UBAP1: variants seen among roughly 807,000 people sequenced by gnomAD.
UBAP1 encodes the protein ubiquitin associated protein 1, also known as ubiquitin-associated protein 1.
A neutral mutation model predicts 39.0 loss-of-function variants in UBAP1; 5 were observed. The observed-to-expected ratio is 0.13, with a 90% CI of 0.07 to 0.27. The LOEUF is 0.27. Ranked by LOEUF, UBAP1 falls within the 10% of genes least tolerant of loss-of-function variation. UBAP1 has a pLI of 1.00. For synonymous variants in UBAP1, 211 were observed against 225.1 expected (o/e 0.94, Z 0.56); for missense variants, 490 against 608.1 (o/e 0.81, Z 2.04).
chr9:34,201,584 T>A (rs1432500112), intron 1 of UBAP1: 3 of 152,100 alleles, frequency 2.0e-5, no homozygotes, highest in South Asian at 2.1e-4. Context: ...TGTAGATTAA[T>A]CCTGCTTTGT....
chr9:34,239,394 C>A (rs1035389286), intron 3 of UBAP1, among the ~76,000 whole-genome samples: 14 of 152,202 alleles, frequency 9.2e-5, no homozygotes, highest in African/African-American at 3.4e-4. Context: ...TATCTGGTCC[C>A]CTCCGTACCC....
chr9:34,215,654 C>T (rs1005966035), intron 1 of UBAP1, among the ~76,000 whole-genome samples: 88 of 151,888 alleles, frequency 5.8e-4, no homozygotes, highest in African/African-American at 2.1e-3. Flanking sequence ...AACTGAATAC[C>T]ACCTGTACCC....
intron 4 of UBAP1, among the ~76,000 whole-genome samples, 154 bp downstream of exon 4, chr9:34,242,262 G>A (rs975267437): frequency 1.3e-5 from 2 of 151,048 alleles, no homozygotes; most frequent in Non-Finnish European, 3.0e-5. Context: ...TTGTAGCCTC[G>A]ACCTCCCGGG....
rs1227081826 is a variant in UBAP1 at position 34,249,960 on chromosome 9, A to G, written c.1265A>G (p.Gln422Arg). 15 of 1,613,818 alleles carry G rather than the reference A, an allele frequency of 9.3e-6. No individual in the cohort carries two copies. The highest frequency in any genetic ancestry group is 1.1e-5 in the South Asian group (1 of 91,066). The change falls in exon 5 of 7, where the codon CAG (glutamine) becomes CGG (arginine). Residue 422 changes from glutamine (Q) to arginine (R), a missense_variant and splice_region_variant. Physicochemically the swap from Gln to Arg is conservative, Grantham distance 43. Transcript: ENST00000297661. Reference sequence around the variant, plus strand: ...AAGAAGAAAGGAGAGAATATTGAGCAGGTGAGCGGTTGGTCAGCCAGGAGG... The same window carrying G: ...AAGAAGAAAGGAGAGAATATTGAGCGGGTGAGCGGTTGGTCAGCCAGGAGG... ...AMKKKGENIE[Q>R]ILDYLFAHGQ...
chr9:34,251,518 G>GC lies in UBAP1; in HGVS notation c.1496dup (p.Gly500ArgfsTer10), dbSNP rs767336776. ...TGCTTTGGAAGACCTCATGGCTCGG[G>GC]CAGGAGCCAGCTGAGACCAGGCCCT... is the stretch of plus-strand genomic sequence containing the variant. On this transcript the variant is annotated frameshift_variant, in exon 7 of 7. Coordinates refer to ENST00000297661, the MANE Select transcript of UBAP1 (RefSeq NM_016525.5). LOFTEE classifies it high-confidence loss of function. 1 of 1,614,002 alleles carries GC rather than the reference G, an allele frequency of 6.2e-7. No individual in the cohort carries two copies. Among genetic ancestry groups the GC allele is most frequent in the Admixed American group, 1.7e-5 (1 of 60,014 alleles).
chr9:34,241,938 T>G lies in UBAP1; in HGVS notation c.913T>G (p.Ser305Ala), dbSNP rs1833978083. 1 of 1,614,014 alleles carries G rather than the reference T, an allele frequency of 6.2e-7. No individual in the cohort carries two copies. Among genetic ancestry groups the G allele is most frequent in the African/African-American group, 1.3e-5 (1 of 74,906 alleles). The change falls in exon 4 of 7, where the codon TCC becomes GCC. Residue 305 changes from serine (S) to alanine (A), a missense_variant. This residue lies in a region of UBAP1 where 339 missense variants were observed against 390.0 expected (regional missense o/e 0.87). Coordinates refer to ENST00000297661, the MANE Select transcript of UBAP1 (RefSeq NM_016525.5). ...CACGTTCCAGAATTCCCTAAAGCCT[T>G]CCACCCAAAGCAGTGCCAGTGAGCT... The part of the protein sequence containing the change: ...NGTFQNSLKP[S>A]TQSSASELNG...
In UBAP1 at chr9:34,251,513, C is replaced by T; in HGVS notation, c.1490C>T (p.Ala497Val). The change falls in exon 7 of 7, where the codon GCT becomes GTT. Residue 497 changes from alanine (A) to valine (V), a missense_variant. By Grantham distance (64) the Ala-to-Val change is moderately conservative. Transcript: ENST00000297661. ...DQDNALEDLM[A>V]RAGAS ...GACAATGCTTTGGAAGACCTCATGGCTCGGGCAGGAGCCAGCTGAGACCAG... is the reference window on the plus strand; with the variant it reads ...GACAATGCTTTGGAAGACCTCATGGTTCGGGCAGGAGCCAGCTGAGACCAG... 3 of 1,614,110 alleles carry T rather than the reference C, an allele frequency of 1.9e-6. No homozygotes were observed. Among genetic ancestry groups the T allele is most frequent in the Non-Finnish European group, 2.5e-6 (3 of 1,180,002 alleles).
At chr9:34,195,421 C>T (rs556070575) in intron 1 of UBAP1, among the ~76,000 whole-genome samples, 1 of 152,078 alleles carries the variant, frequency 6.6e-6, no homozygotes, top group African/African-American at 2.4e-5. Flanking sequence ...GAAAAGATTA[C>T]CCTTTCTAAA....
intron 2 of UBAP1, chr9:34,224,417 A>C: frequency 4.9e-6 from 2 of 407,610 alleles, no homozygotes; most frequent in East Asian, 8.7e-5. Flanking sequence ...TTGCAAATAC[A>C]ACGCTGAGCC....
intron 1 of UBAP1, among the ~76,000 whole-genome samples, chr9:34,204,258 G>C (rs1831559724): frequency 6.6e-6 from 1 of 152,184 alleles, no homozygotes; most frequent in Admixed American, 6.6e-5. Context: ...CTGCACTCCA[G>C]AGTGCAGACG....
intron 4 of UBAP1, among the ~76,000 whole-genome samples, chr9:34,244,137 G>A (rs547974358): frequency 8.9e-4 from 135 of 152,218 alleles, no homozygotes; most frequent in African/African-American, 3.0e-3. Context: ...GTGAGTCACC[G>A]CACACAGCCA....
At position 34,249,813 on chromosome 9, in the gene UBAP1, C is replaced by T. The variant is rs764378084; in HGVS notation, c.1118C>T (p.Pro373Leu). ...CCTAATTTCTCAGTGTCACAAGTGC[C>T]CAACATGCCCAGCTGTCCCCAGGCC... ...TPPNFSVSQV[P>L]NMPSCPQAYS... is the part of the protein sequence containing the mutation. Residue 373 changes from proline (P) to leucine (L), a missense_variant, in exon 5 of 7, where the codon CCC becomes CTC. By Grantham distance (98) the Pro-to-Leu change is moderately conservative (BLOSUM62 -3). Around this residue, in one of 3 missense-constraint regions of UBAP1, gnomAD observed 339 missense variants for 390.0 expected, o/e 0.87. Transcript: ENST00000297661. 1.2e-5 allele frequency: 20 copies of T among 1,614,184 alleles called. No individual in the cohort carries two copies. In the Admixed American group the frequency reaches 1.5e-4, roughly 12 times the overall value.
Position 34,241,895 on chromosome 9 carries a change from A to G in UBAP1, c.870A>G (p.Thr290=). ...TAKLASTFHS[T]SCLRNGTFQN... is the part of the protein sequence containing the mutation. ...AGCTGGCGAGCACTTTCCATAGCAC[A>G]TCCTGCCTCCGCAATGGCACGTTCC... Residue 290 remains threonine, a synonymous_variant, in exon 4 of 7, where the codon ACA becomes ACG. Transcript: ENST00000297661. 6.2e-7 allele frequency: 1 copy of G among 1,614,172 alleles called. No individual in the cohort carries two copies. Among genetic ancestry groups the G allele is most frequent in the Non-Finnish European group, 8.5e-7 (1 of 1,180,040 alleles).
intron 1 of UBAP1, among the ~76,000 whole-genome samples, chr9:34,197,849 C>T (rs938080583): frequency 6.6e-6 from 1 of 152,226 alleles, no homozygotes; most frequent in South Asian, 2.1e-4. Context: ...TACACTTGGC[C>T]TCCTTGATTC....
intron 1 of UBAP1, among the ~76,000 whole-genome samples, chr9:34,196,462 T>C (rs1309378435): frequency 1.3e-5 from 2 of 151,846 alleles, no homozygotes; most frequent in Non-Finnish European, 2.9e-5. Context: ...ATTACAGGTA[T>C]GCATCACCAC....
At chr9:34,206,688 G>A (rs1831714684) in intron 1 of UBAP1, among the ~76,000 whole-genome samples, 1 of 152,050 alleles carries the variant, frequency 6.6e-6, no homozygotes, top group African/African-American at 2.4e-5. Context: ...CTCGCTAGCT[G>A]TATGTGTAGA....
chr9:34,226,129 G>GTGTGTGTGTGTGTT lies in UBAP1; in HGVS notation c.34+5194_34+5195insTTGTGTGTGTGTGT, dbSNP rs1207317521. Among the ~76,000 whole-genome samples, 300 of 141,900 alleles carry GTGTGTGTGTGTGTT rather than the reference G, an allele frequency of 2.1e-3. 1 individual carries two copies. The highest frequency in any genetic ancestry group is 7.1e-3 in the African/African-American group (259 of 36,520). The allele number at this position is 141,900 out of a possible 152,430, so 93.1% of individuals were successfully genotyped here. A position where few individuals can be genotyped will look rare whatever the true frequency, so the allele number is the denominator to read the frequency against. ...ATTGTGTGTGTGTGTGTGTGTGTGT[G>GTGTGTGTGTGTGTT]TGTGTGTGTGTGTGTGTGTGTGTGT... On this transcript the variant is annotated intron_variant, in intron 2 of 6. Transcript: ENST00000297661.
intron 4 of UBAP1, 91 bp downstream of exon 4, chr9:34,242,199 C>G (rs1833997049): frequency 7.5e-7 from 1 of 1,336,660 alleles, no homozygotes; most frequent in African/African-American, 1.5e-5. Flanking sequence ...TTTTTCGAGA[C>G]AGGGTCTCAT....
intron 2 of UBAP1, among the ~76,000 whole-genome samples, chr9:34,231,175 G>A (rs1420583404): frequency 6.9e-6 from 1 of 144,868 alleles, no homozygotes; most frequent in Admixed American, 6.9e-5. Context: ...GTGTGTGTGT[G>A]TTGGGGTCGG....
Sources: allele counts gnomAD v4.1 joint callset (sites outside exome capture counted in the v4.1 genomes callset), GRCh38; gene constraint gnomAD v4.1.1; regional missense constraint gnomAD v4.1.1; transcripts MANE v1.5; gene names NCBI Gene and HGNC (gene_info 2026-07-23, HGNC 2026-07-21).